Variants in RTL4 observed in about 807,000 individuals in gnomAD.
RTL4 encodes retrotransposon Gag like 4.
A neutral mutation model predicts 5.3 loss-of-function variants in RTL4; 4 were observed. The observed-to-expected ratio is 0.75, with a 90% CI of 0.37 to 1.72. The LOEUF (loss-of-function observed/expected upper bound fraction) is 1.72, where lower values mean the gene tolerates loss of function less well. RTL4 is among the 40% of genes most tolerant of loss of function. RTL4 has a pLI of 0.04. For synonymous variants in RTL4, 98 were observed against 87.3 expected (o/e 1.12, Z -0.68); for missense variants, 260 against 227.1 (o/e 1.14, Z -0.93).
the RTL4 span, among the ~76,000 whole-genome samples, chrX:112,164,948 C>A: frequency 1.8e-5 from 2 of 111,965 alleles, no homozygotes; most frequent in Non-Finnish European, 3.8e-5. Context: ...GTTCTGTAAA[C>A]AACTTCATCT....
At chrX:112,337,623 C>T in the RTL4 span, among the ~76,000 whole-genome samples, 1 of 111,774 alleles carries the variant, frequency 8.9e-6, no homozygotes, top group Non-Finnish European at 1.9e-5. Flanking sequence ...TCTGTAGATG[C>T]ACTTGAATTT....
At chrX:112,226,956 TA>T in the RTL4 span, among the ~76,000 whole-genome samples, 6 of 55,520 alleles carry the variant, frequency 1.1e-4, no homozygotes, top group South Asian at 8.1e-4. Flanking sequence ...AAAAATAAAA[TA>T]AAATAAAATA....
At chrX:112,385,433 A>G in the RTL4 span, among the ~76,000 whole-genome samples, 1 of 111,293 alleles carries the variant, frequency 9.0e-6, no homozygotes, top group Non-Finnish European at 1.9e-5. Context: ...AAACTTGAAG[A>G]CAGTATTTTC....
At chrX:112,299,144 T>C in the RTL4 span, among the ~76,000 whole-genome samples, 26,470 of 110,708 alleles carry the variant, frequency 0.24, 2,515 homozygotes, top group Admixed American at 0.35. Context: ...CATTGTGGCG[T>C]ACTGACGTGC....
chrX:112,135,180 G>A, the RTL4 span, among the ~76,000 whole-genome samples: 1 of 111,877 alleles, frequency 8.9e-6, no homozygotes, highest in East Asian at 2.8e-4. Flanking sequence ...CATTATATGA[G>A]ATTTCTAATT....
At chrX:112,128,025 C>A in the RTL4 span, among the ~76,000 whole-genome samples, 9 of 111,504 alleles carry the variant, frequency 8.1e-5, no homozygotes, top group Non-Finnish European at 1.3e-4. Context: ...TAATATATAT[C>A]AAAATTCCAT....
chrX:112,302,258 T>TAAA, the RTL4 span, among the ~76,000 whole-genome samples: 17,451 of 83,232 alleles, frequency 0.21, 1,846 homozygotes, highest in Admixed American at 0.28. Context: ...AAGACTCTGT[T>TAAA]AAAAAAAAAA....
the RTL4 span, among the ~76,000 whole-genome samples, chrX:112,106,231 AT>A: frequency 8.9e-6 from 1 of 112,175 alleles, no homozygotes; most frequent in South Asian, 3.7e-4. Flanking sequence ...TCACTTGATA[AT>A]GGTGAATAAT....
chrX:112,245,514 C>G, the RTL4 span, among the ~76,000 whole-genome samples: 1 of 111,759 alleles, frequency 8.9e-6, no homozygotes, highest in Non-Finnish European at 1.9e-5. Flanking sequence ...GCATGCGTCA[C>G]GTAGTTCTCA....
chrX:112,210,551 A>T, the RTL4 span, among the ~76,000 whole-genome samples: 2 of 112,345 alleles, frequency 1.8e-5, no homozygotes, highest in Non-Finnish European at 3.8e-5. Flanking sequence ...TCATTATATC[A>T]TGCAAAATTC....
chrX:112,090,921 A>G, the RTL4 span, among the ~76,000 whole-genome samples: 8 of 111,290 alleles, frequency 7.2e-5, no homozygotes, highest in African/African-American at 9.8e-5. Context: ...TCAGTCATTC[A>G]ATCACCTTAC....
At chrX:112,287,810 G>A in the RTL4 span, among the ~76,000 whole-genome samples, 1 of 111,866 alleles carries the variant, frequency 8.9e-6, no homozygotes, top group African/African-American at 3.2e-5. Flanking sequence ...GAGAGAAAAT[G>A]GAGAAGGGGC....
At chrX:112,187,559 C>T in the RTL4 span, among the ~76,000 whole-genome samples, 12 of 111,720 alleles carry the variant, frequency 1.1e-4, no homozygotes, top group African/African-American at 3.9e-4. Flanking sequence ...ATTATCTAGA[C>T]TGAATCAAAT....
At chrX:112,141,697 G>A in the RTL4 span, among the ~76,000 whole-genome samples, 1 of 111,089 alleles carries the variant, frequency 9.0e-6, no homozygotes, top group Non-Finnish European at 1.9e-5. Flanking sequence ...CGTATATCAA[G>A]TAATACCTAA....
At chrX:112,098,968 G>T in the RTL4 span, among the ~76,000 whole-genome samples, 1 of 111,807 alleles carries the variant, frequency 8.9e-6, no homozygotes, top group Non-Finnish European at 1.9e-5. Flanking sequence ...CAGGACATAG[G>T]CATGGGCAAG....
chrX:112,422,649 G>T, the RTL4 span, among the ~76,000 whole-genome samples: 1 of 111,304 alleles, frequency 9.0e-6, no homozygotes, highest in Non-Finnish European at 1.9e-5. Context: ...AAAGATCAGT[G>T]TTGTCCACTG....
At chrX:112,098,879 T>C in the RTL4 span, among the ~76,000 whole-genome samples, 1 of 111,891 alleles carries the variant, frequency 8.9e-6, no homozygotes, top group African/African-American at 3.2e-5. Context: ...ATACAAAAAT[T>C]AATTCAAGAT....
At chrX:112,408,109 G>C in the RTL4 span, among the ~76,000 whole-genome samples, 5,605 of 110,886 alleles carry the variant, frequency 0.051, 132 homozygotes, top group African/African-American at 0.079. Context: ...ATATCCACAA[G>C]CATCAAGACC....
At chrX:112,231,487 T>C in the RTL4 span, among the ~76,000 whole-genome samples, 6 of 101,699 alleles carry the variant, frequency 5.9e-5, no homozygotes, top group Admixed American at 5.6e-4. Context: ...AACCAAACAC[T>C]GCATGTTCTC....
Sources: allele counts gnomAD v4.1 joint callset (sites outside exome capture counted in the v4.1 genomes callset), GRCh38; gene constraint gnomAD v4.1.1; transcripts MANE v1.5; gene names NCBI Gene and HGNC (gene_info 2026-07-23, HGNC 2026-07-21).